ADCY8: variants seen among roughly 807,000 people sequenced by gnomAD.
ADCY8 encodes the protein adenylate cyclase type 8.
In ADCY8, 51 loss-of-function variants were observed where a neutral mutation model predicts 119.7. That is an observed-to-expected ratio of 0.43 (90% CI 0.34 to 0.54). The LOEUF (loss-of-function observed/expected upper bound fraction) is 0.54, where lower values mean the gene tolerates loss of function less well. Ranked by LOEUF, ADCY8 falls within the 20% of genes least tolerant of loss-of-function variation. ADCY8 has a pLI of 0.03. For synonymous variants in ADCY8, 665 were observed against 651.0 expected (o/e 1.02, Z -0.33); for missense variants, 1,383 against 1,598.8 (o/e 0.87, Z 2.30).
intron 12 of ADCY8, among the ~76,000 whole-genome samples, chr8:130,821,696 T>A (rs1408732847): frequency 6.6e-6 from 1 of 152,184 alleles, no homozygotes; most frequent in Non-Finnish European, 1.5e-5. Context: ...ATGTTTTCTA[T>A]GTGCAGAACA....
intron 1 of ADCY8, among the ~76,000 whole-genome samples, chr8:131,016,256 G>T (rs1823471995): frequency 6.6e-6 from 1 of 152,154 alleles, no homozygotes; most frequent in African/African-American, 2.4e-5. Flanking sequence ...GGGCATGGTG[G>T]CTCACACTTG....
intron 14 of ADCY8, among the ~76,000 whole-genome samples, chr8:130,806,250 G>A (rs1175782947): frequency 2.0e-5 from 3 of 152,210 alleles, no homozygotes; most frequent in African/African-American, 7.2e-5. Flanking sequence ...CACTCCAGTT[G>A]TCTGCCTGCT....
intron 17 of ADCY8, among the ~76,000 whole-genome samples, chr8:130,781,658 AG>A (rs1815083777): frequency 6.6e-6 from 1 of 152,192 alleles, no homozygotes; most frequent in South Asian, 2.1e-4. Context: ...CCTTCCAGCC[AG>A]TACCCACCTT....
chr8:131,036,677 G>A (rs1377245477), intron 1 of ADCY8, among the ~76,000 whole-genome samples: 1 of 152,176 alleles, frequency 6.6e-6, no homozygotes, highest in Non-Finnish European at 1.5e-5. Flanking sequence ...ACTAGAGAAA[G>A]TAGCATTTGA....
At position 130,884,768 on chromosome 8, in the gene ADCY8, G is replaced by A. The variant is rs1292812064; in HGVS notation, c.1912-7C>T. On this transcript the variant is annotated splice_polypyrimidine_tract_variant and splice_region_variant and intron_variant, in intron 7 of 17. Coordinates refer to ENST00000286355, the MANE Select transcript of ADCY8 (RefSeq NM_001115.3). ...TTGTTAGGGCAGCCAGAGTCTAGGG[G>A]GAAAGCACATGCAAACACAATAAAC... 2.5e-6 allele frequency: 4 copies of A among 1,613,622 alleles called. No homozygotes were observed. The highest frequency in any genetic ancestry group is 4.5e-5 in the East Asian group (2 of 44,854).
chr8:130,800,761 G>A (rs576223662), intron 14 of ADCY8, among the ~76,000 whole-genome samples, 189 bp from the exon 15 acceptor site: 1 of 152,276 alleles, frequency 6.6e-6, no homozygotes, highest in South Asian at 2.1e-4. Flanking sequence ...AAATACCTTA[G>A]ACTGAGTGGC....
At chr8:130,800,399 T>C (rs1292726077) in intron 15 of ADCY8, 27 bp downstream of exon 15, 4 of 1,613,732 alleles carry the variant, frequency 2.5e-6, no homozygotes, top group African/African-American at 2.7e-5. Context: ...CCATTTGTGA[T>C]TGTAAATGTC....
chr8:130,985,856 C>A (rs1822387615), intron 2 of ADCY8, among the ~76,000 whole-genome samples: 1 of 152,146 alleles, frequency 6.6e-6, no homozygotes, highest in African/African-American at 2.4e-5. Flanking sequence ...TTTAATACAG[C>A]TAAAACATCT....
intron 1 of ADCY8, among the ~76,000 whole-genome samples, chr8:131,008,996 G>A (rs760771354): frequency 3.3e-5 from 5 of 152,212 alleles, no homozygotes; most frequent in Admixed American, 6.5e-5. Context: ...ATTTCTAAGC[G>A]GCAAAAGGTT....
chr8:131,023,860 T>C (rs772844731), intron 1 of ADCY8, among the ~76,000 whole-genome samples: 20 of 152,172 alleles, frequency 1.3e-4, no homozygotes, highest in Non-Finnish European at 2.2e-4. Flanking sequence ...TGTAGGATGT[T>C]GAAGAAAAAT....
At chr8:131,033,923 A>C (rs2130813190) in intron 1 of ADCY8, among the ~76,000 whole-genome samples, 1 of 152,276 alleles carries the variant, frequency 6.6e-6, no homozygotes, top group East Asian at 1.9e-4. Context: ...GTTGACACTC[A>C]AATCGGCTTT....
chr8:130,919,367 G>A (rs1820232164), intron 5 of ADCY8, among the ~76,000 whole-genome samples: 1 of 152,120 alleles, frequency 6.6e-6, no homozygotes, highest in Non-Finnish European at 1.5e-5. Flanking sequence ...CAGGCCAGCT[G>A]TAGGCACATA....
At chr8:130,992,474 G>A (rs1822626428) in intron 1 of ADCY8, among the ~76,000 whole-genome samples, 1 of 144,024 alleles carries the variant, frequency 6.9e-6, no homozygotes, top group Non-Finnish European at 1.5e-5. Context: ...GAGTGCAGTA[G>A]CACAATCTTG....
chr8:130,911,949 C>G (rs544189987), intron 5 of ADCY8, among the ~76,000 whole-genome samples: 1 of 152,288 alleles, frequency 6.6e-6, no homozygotes, highest in East Asian at 1.9e-4. Flanking sequence ...TTATTCTTCT[C>G]ATTCCTCATG....
At chr8:131,032,704 A>T (rs1384124026) in intron 1 of ADCY8, among the ~76,000 whole-genome samples, 2 of 152,152 alleles carry the variant, frequency 1.3e-5, no homozygotes, top group Non-Finnish European at 2.9e-5. Flanking sequence ...CTGGCTTCCG[A>T]AGCACTGCTT....
intron 11 of ADCY8, among the ~76,000 whole-genome samples, chr8:130,836,674 C>A (rs182218782): frequency 6.6e-6 from 1 of 152,184 alleles, no homozygotes; most frequent in Admixed American, 6.5e-5. Flanking sequence ...AAGCCAATAA[C>A]TTTGGTTTCA....
chr8:130,884,490 GCTCT>G, intron 8 of ADCY8, 70 bp downstream of exon 8: 1 of 1,491,612 alleles, frequency 6.7e-7, no homozygotes, highest in East Asian at 2.3e-5. Flanking sequence ...CAGCCCCTGG[GCTCT>G]CTCTCTAGTC....
At chr8:130,805,937 C>T (rs895808831) in intron 14 of ADCY8, among the ~76,000 whole-genome samples, 8 of 152,134 alleles carry the variant, frequency 5.3e-5, no homozygotes, top group Non-Finnish European at 1.2e-4. Context: ...CTTTAGCACC[C>T]GGGCCCCACA....
chr8:130,908,658 C>G (rs1819869280), intron 6 of ADCY8, among the ~76,000 whole-genome samples: 1 of 152,156 alleles, frequency 6.6e-6, no homozygotes, highest in South Asian at 2.1e-4. Flanking sequence ...GTAGTATTAT[C>G]TCTCTTCCTG....
Sources: gnomAD v4.1 joint callset for allele counts (sites outside exome capture counted in the v4.1 genomes callset) on GRCh38, gnomAD v4.1.1 for gene constraint, MANE v1.5 for transcripts, NCBI Gene and HGNC (gene_info 2026-07-23, HGNC 2026-07-21) for gene names.